UBE2R2: variants seen among roughly 807,000 people sequenced by gnomAD.
The protein encoded by UBE2R2 is ubiquitin-conjugating enzyme E2 R2.
In UBE2R2, 1 loss-of-function variant was observed where a neutral mutation model predicts 27.8. The ratio of observed to expected loss-of-function variants is 0.04; its 90% CI spans 0.01 to 0.17. The LOEUF is 0.17. Ranked by LOEUF, UBE2R2 falls within the 10% of genes least tolerant of loss-of-function variation. The pLI is 1.00. For synonymous variants in UBE2R2, 106 were observed against 113.3 expected (o/e 0.94, Z 0.41); for missense variants, 100 against 291.0 (o/e 0.34, Z 4.78).
intron 3 of UBE2R2, among the ~76,000 whole-genome samples, chr9:33,906,468 C>G (rs1822358636): frequency 6.6e-6 from 1 of 152,066 alleles, no homozygotes; most frequent in African/African-American, 2.4e-5. Flanking sequence ...TTCTACTTCT[C>G]CCATGCTGTC....
Position 33,905,140 on chromosome 9 carries a change from A to ATTTGC in UBE2R2, c.362+4873_362+4877dup, listed in dbSNP as rs147655069. On this transcript the variant is annotated intron_variant, in intron 3 of 4. Transcript: ENST00000263228. The stretch of plus-strand genomic sequence containing the variant: ...GGATGGTGAAGTGGTCTTGGTGTGG[A>ATTTGC]TTTGCTTTATGTTGAAAGAGGCATA... Among the ~76,000 whole-genome samples the ATTTGC allele has an allele frequency of 2.0e-3, 306 of 152,170 alleles. 2 individuals are homozygous for ATTTGC. In the East Asian group the frequency reaches 0.026, roughly 13 times the overall value.
chr9:33,862,891 A>G (rs1356321701), intron 1 of UBE2R2, among the ~76,000 whole-genome samples: 2 of 152,030 alleles, frequency 1.3e-5, no homozygotes, highest in East Asian at 3.9e-4. Context: ...AAGGTTTTTA[A>G]TCTTTGGTGT....
At chr9:33,873,063 T>C (rs889016644) in intron 1 of UBE2R2, among the ~76,000 whole-genome samples, 2 of 150,774 alleles carry the variant, frequency 1.3e-5, no homozygotes, top group Admixed American at 6.7e-5. Flanking sequence ...TAATCCCAGC[T>C]ACTTGGGTGG....
At chr9:33,915,119 G>GC (rs1365018535) in intron 4 of UBE2R2, among the ~76,000 whole-genome samples, 1 of 146,194 alleles carries the variant, frequency 6.8e-6, no homozygotes, top group Non-Finnish European at 1.5e-5. Flanking sequence ...GACAGTGGGA[G>GC]ACCTTGTCTC....
chr9:33,871,673 TAAC>T (rs1821487421), intron 1 of UBE2R2, among the ~76,000 whole-genome samples: 1 of 152,230 alleles, frequency 6.6e-6, no homozygotes, highest in Non-Finnish European at 1.5e-5. Context: ...TTAACTTCTG[TAAC>T]AATTGCTTCT....
intron 1 of UBE2R2, among the ~76,000 whole-genome samples, chr9:33,827,378 C>T (rs574403869): frequency 5.3e-5 from 8 of 152,220 alleles, no homozygotes; most frequent in Admixed American, 2.0e-4. Flanking sequence ...CCGTGGCTCA[C>T]GCCTGTAATC....
intron 1 of UBE2R2, among the ~76,000 whole-genome samples, chr9:33,861,896 C>T (rs927525975): frequency 1.6e-4 from 24 of 147,302 alleles, no homozygotes; most frequent in Non-Finnish European, 3.0e-4. Context: ...CACTGTCGCC[C>T]GGGCTGGAGT....
intron 2 of UBE2R2, among the ~76,000 whole-genome samples, chr9:33,899,528 C>T (rs761469963): frequency 6.6e-6 from 1 of 152,188 alleles, no homozygotes; most frequent in African/African-American, 2.4e-5. Context: ...GGGAGTGCTA[C>T]CACGCCCGGC....
chr9:33,906,935 G>T (rs1171545626), intron 3 of UBE2R2, among the ~76,000 whole-genome samples: 1 of 152,132 alleles, frequency 6.6e-6, no homozygotes, highest in Non-Finnish European at 1.5e-5. Flanking sequence ...GGAGGCTGAG[G>T]TGCAAAGATC....
intron 4 of UBE2R2, 85 bp downstream of exon 4, chr9:33,912,183 C>A: frequency 8.6e-7 from 1 of 1,165,672 alleles, no homozygotes; most frequent in Non-Finnish European, 1.2e-6. Context: ...CTTAAATATC[C>A]TGTCCATTCC....
chr9:33,894,773 T>A (rs1383148924), intron 2 of UBE2R2, among the ~76,000 whole-genome samples: 4 of 152,230 alleles, frequency 2.6e-5, no homozygotes, highest in Admixed American at 2.6e-4. Context: ...GGCTGTTATC[T>A]GTGGTCCCAG....
At chr9:33,866,640 G>A (rs532044779) in intron 1 of UBE2R2, among the ~76,000 whole-genome samples, 1 of 151,456 alleles carries the variant, frequency 6.6e-6, no homozygotes, top group Admixed American at 6.6e-5. Context: ...TGTATATCTA[G>A]TCTTCAGATC....
intron 2 of UBE2R2, among the ~76,000 whole-genome samples, chr9:33,893,101 A>C (rs1368601434): frequency 3.3e-5 from 5 of 152,120 alleles, no homozygotes; most frequent in Admixed American, 2.6e-4. Flanking sequence ...GTAAATAAAT[A>C]ATCAATTCAA....
At chr9:33,872,704 T>C (rs897619245) in intron 1 of UBE2R2, among the ~76,000 whole-genome samples, 8 of 151,500 alleles carry the variant, frequency 5.3e-5, no homozygotes, top group African/African-American at 1.9e-4. Flanking sequence ...GAGAATCGCT[T>C]GAACCTGGGA....
chr9:33,905,168 T>TA (rs911704784), intron 3 of UBE2R2, among the ~76,000 whole-genome samples: 4 of 152,172 alleles, frequency 2.6e-5, no homozygotes, highest in African/African-American at 9.7e-5. Context: ...GAGGCATACA[T>TA]AATGTTTTCT....
chr9:33,834,834 C>G (rs1026819168), intron 1 of UBE2R2, among the ~76,000 whole-genome samples: 10 of 151,076 alleles, frequency 6.6e-5, no homozygotes, highest in African/African-American at 2.4e-4. Flanking sequence ...CCCTTGTTCC[C>G]GGGAGGTGGA....
chr9:33,819,853 G>A (rs1366391078), intron 1 of UBE2R2, among the ~76,000 whole-genome samples: 3 of 152,152 alleles, frequency 2.0e-5, no homozygotes, highest in Admixed American at 6.5e-5. Context: ...TGGCCAGGCC[G>A]GTCTCGAACT....
At chr9:33,904,624 T>C (rs1003231277) in intron 3 of UBE2R2, among the ~76,000 whole-genome samples, 1 of 152,184 alleles carries the variant, frequency 6.6e-6, no homozygotes, top group Admixed American at 6.5e-5. Context: ...GTCTGTATTA[T>C]CAGATCTGGT....
chr9:33,827,400 G>A (rs910777087), intron 1 of UBE2R2, among the ~76,000 whole-genome samples: 5 of 152,176 alleles, frequency 3.3e-5, no homozygotes, highest in Admixed American at 3.3e-4. Context: ...CAGCACTTTG[G>A]GATGCCAAAG....
Sources: gnomAD v4.1 joint callset for allele counts (sites outside exome capture counted in the v4.1 genomes callset) on GRCh38, gnomAD v4.1.1 for gene constraint, MANE v1.5 for transcripts, NCBI Gene and HGNC (gene_info 2026-07-23, HGNC 2026-07-21) for gene names.